NID2: variants seen among roughly 807,000 people sequenced by gnomAD.
NID2 encodes the protein nidogen 2.
Under a neutral mutation model 145.4 loss-of-function variants are expected in NID2, and 83 were observed. The observed-to-expected ratio is 0.57, with a 90% CI of 0.48 to 0.69. The LOEUF (loss-of-function observed/expected upper bound fraction) is 0.69, where lower values mean the gene tolerates loss of function less well. Ranked by LOEUF, NID2 falls within the 30% of genes least tolerant of loss-of-function variation. NID2 has a pLI of 0.00. For synonymous variants in NID2, 739 were observed against 701.3 expected (o/e 1.05, Z -0.85); for missense variants, 1,807 against 1,765.7 (o/e 1.02, Z -0.42).
chr14:52,006,515 G>A (rs758423156), intron 20 of NID2, 22 bp downstream of exon 20: 1 of 1,612,828 alleles, frequency 6.2e-7, no homozygotes, highest in African/African-American at 1.3e-5. Context: ...TTTCAGGCTT[G>A]TCCAGAATTT....
rs1390853865 is a variant in NID2 at position 52,040,694 on chromosome 14, G to A, written c.1983C>T (p.Ala661=). The A allele has an allele frequency of 6.2e-7, 1 of 1,613,948 alleles. No homozygotes were observed. The highest frequency in any genetic ancestry group is 8.5e-7 in the Non-Finnish European group (1 of 1,180,022). ...ACAGCTCCTTGTAGGGAGAGATGTG[G>A]GCTGTGAAATTTGCTGAGACGTAAG... is the stretch of plus-strand genomic sequence containing the variant. ...QVPYVSANFT[A]HISPYKELYH... Residue 661 remains alanine (A), a synonymous_variant, in exon 8 of 22, where the codon GCC becomes GCT. Transcript: ENST00000216286.
At position 52,060,321 on chromosome 14, in the gene NID2, C is replaced by G. The variant is rs752435957; in HGVS notation, c.570G>C (p.Gly190=). Residue 190 remains glycine (G), a synonymous_variant, in exon 3 of 22, where the codon GGG becomes GGC. Coordinates refer to ENST00000216286, the MANE Select transcript of NID2 (RefSeq NM_007361.4). ...NTFQAVLASD[G]SDSYALFLYP... Reference sequence around the variant, plus strand: ...AAAGAAAGAGGGCGTAGCTATCAGACCCATCAGATGCCAAAACTGCCTGGA... The same window carrying G: ...AAAGAAAGAGGGCGTAGCTATCAGAGCCATCAGATGCCAAAACTGCCTGGA... The G allele has an allele frequency of 1.3e-6, 2 of 1,597,106 alleles. No homozygotes were observed. The highest frequency in any genetic ancestry group is 1.1e-5 in the South Asian group (1 of 88,690).
At chr14:52,018,725 G>A (rs751768021) in intron 14 of NID2, among the ~76,000 whole-genome samples, 7 of 152,236 alleles carry the variant, frequency 4.6e-5, no homozygotes, top group Non-Finnish European at 1.0e-4. Flanking sequence ...AGTCTGGCCA[G>A]ATCTTCTAAC....
intron 5 of NID2, among the ~76,000 whole-genome samples, chr14:52,048,328 C>T (rs563176475): frequency 8.5e-5 from 13 of 152,276 alleles, no homozygotes; most frequent in East Asian, 7.7e-4. Flanking sequence ...GGAGCTAGAA[C>T]GGTGCTGAGC....
At chr14:52,020,622 C>G (rs183231470) in intron 12 of NID2, among the ~76,000 whole-genome samples, 1 of 152,036 alleles carries the variant, frequency 6.6e-6, no homozygotes, top group Non-Finnish European at 1.5e-5. Flanking sequence ...CTGTAACATT[C>G]GTCTGTAGAT....
At chr14:52,056,019 A>T (rs1892834749) in intron 3 of NID2, among the ~76,000 whole-genome samples, 2 of 152,100 alleles carry the variant, frequency 1.3e-5, no homozygotes, top group South Asian at 4.1e-4. Context: ...GGAAAAAAGC[A>T]TAGAAAGAAA....
At chr14:52,018,870 A>G (rs145517741) in intron 14 of NID2, among the ~76,000 whole-genome samples, 191 bp downstream of exon 14, 1 of 152,358 alleles carries the variant, frequency 6.6e-6, no homozygotes, top group Non-Finnish European at 1.5e-5. Flanking sequence ...CATATGTGTC[A>G]TGTATTGCAT....
intron 12 of NID2, among the ~76,000 whole-genome samples, chr14:52,023,322 C>A (rs1462744155): frequency 7.1e-6 from 1 of 141,194 alleles, no homozygotes; most frequent in Non-Finnish European, 1.5e-5. Context: ...ACAAGAGATA[C>A]CAAAATTAGC....
chr14:52,019,243 G>T lies in NID2; in HGVS notation c.2846C>A (p.Ala949Asp). 1 of 1,610,248 alleles carries T rather than the reference G, an allele frequency of 6.2e-7. No individual in the cohort carries two copies. Among genetic ancestry groups the T allele is most frequent in the Non-Finnish European group, 8.5e-7 (1 of 1,176,728 alleles). The part of the protein sequence containing the change: ...PCEQQQRHAQ[A>D]QYAYPGARFH... ...CCGGGCCCCAGGGTAGGCATACTGG[G>T]CCTGGGCATGGCGCTGCTGTTGTTC... Residue 949 changes from alanine (A) to aspartate (D), a missense_variant, in exon 14 of 22, where the codon GCC becomes GAC. Coordinates refer to ENST00000216286, the MANE Select transcript of NID2 (RefSeq NM_007361.4).
At chr14:52,027,162 C>A in intron 12 of NID2, 39 bp downstream of exon 12, 1 of 1,434,104 alleles carries the variant, frequency 7.0e-7, no homozygotes. Flanking sequence ...GCATCCAAAG[C>A]AACTTTCCAG....
At chr14:52,033,645 A>G (rs964734322) in intron 9 of NID2, among the ~76,000 whole-genome samples, 2 of 152,122 alleles carry the variant, frequency 1.3e-5, no homozygotes, top group Non-Finnish European at 2.9e-5. Flanking sequence ...AAAACTGAGC[A>G]GTTCTTAGGA....
chr14:52,032,015 C>T (rs1273679676), intron 9 of NID2, among the ~76,000 whole-genome samples: 1 of 152,196 alleles, frequency 6.6e-6, no homozygotes, highest in Non-Finnish European at 1.5e-5. Context: ...AGACTGGACT[C>T]GCTCCCAAGT....
chr14:52,026,395 C>G (rs988691057), intron 12 of NID2, among the ~76,000 whole-genome samples: 2 of 152,204 alleles, frequency 1.3e-5, no homozygotes, highest in Non-Finnish European at 1.5e-5. Context: ...AGGCCCTTTC[C>G]CATTCTAAAC....
intron 9 of NID2, among the ~76,000 whole-genome samples, chr14:52,036,150 C>T (rs1892062945): frequency 6.6e-6 from 1 of 152,160 alleles, no homozygotes; most frequent in African/African-American, 2.4e-5. Flanking sequence ...TAACCCTGTA[C>T]CCTTTAGCTA....
intron 9 of NID2, among the ~76,000 whole-genome samples, chr14:52,030,589 A>AACGAACGGAAGGAAGG (rs1566755757): frequency 4.8e-5 from 2 of 41,280 alleles, no homozygotes; most frequent in African/African-American, 1.3e-4. Flanking sequence ...AAAGAAAGAA[A>AACGAACGGAAGGAAGG]GAAAGAAAGA....
chr14:52,042,949 C>A lies in NID2; in HGVS notation c.1430-18G>T, dbSNP rs1595039379. 6.2e-7 allele frequency: 1 copy of A among 1,613,828 alleles called. No homozygotes were observed. ...CGTGAAGACTGAAAAATAAAACAAACTTGCCTTAAAAGGACTAAATGATTC... is the reference window on the plus strand; with the variant it reads ...CGTGAAGACTGAAAAATAAAACAAAATTGCCTTAAAAGGACTAAATGATTC... On this transcript the variant is annotated intron_variant, in intron 5 of 21. Transcript: ENST00000216286.
At chr14:52,021,574 A>G (rs1891402422) in intron 12 of NID2, among the ~76,000 whole-genome samples, 2 of 152,226 alleles carry the variant, frequency 1.3e-5, no homozygotes, top group South Asian at 4.1e-4. Flanking sequence ...TGTTATAATT[A>G]GAAGGTAAGT....
At chr14:52,028,920 C>T (rs1479249962) in intron 10 of NID2, 70 bp from the exon 11 acceptor site, 39 of 1,517,224 alleles carry the variant, frequency 2.6e-5, no homozygotes, top group Non-Finnish European at 3.2e-5. Flanking sequence ...TCTAAAAACT[C>T]AATGTTTTCT....
At chr14:52,029,826 T>A in intron 9 of NID2, 136 bp from the exon 10 acceptor site, 1 of 691,322 alleles carries the variant, frequency 1.4e-6, no homozygotes, top group Admixed American at 2.8e-5. Flanking sequence ...ATTATCCATA[T>A]CTGAAGCTAG....
Sources: allele counts gnomAD v4.1 joint callset (sites outside exome capture counted in the v4.1 genomes callset), GRCh38; gene constraint gnomAD v4.1.1; transcripts MANE v1.5; gene names NCBI Gene and HGNC (gene_info 2026-07-23, HGNC 2026-07-21).